The following CCDC88C variants were observed in gnomAD, a reference collection of about 807,000 sequenced individuals.
CCDC88C encodes protein Daple.
In CCDC88C, 131 loss-of-function variants were observed where a neutral mutation model predicts 198.8. The observed-to-expected ratio is 0.66, with a 90% CI of 0.57 to 0.76. The LOEUF (loss-of-function observed/expected upper bound fraction) is 0.76. Among genes scored for constraint, CCDC88C ranks in the 30% least tolerant of loss-of-function variants. The probability of loss-of-function intolerance (pLI) is 0.00; values close to 1 mark genes in which losing one functional copy is unlikely to be tolerated. For missense variants in CCDC88C, 2,553 were observed against 2,631.6 expected (o/e 0.97, Z 0.65); for synonymous variants, 1,166 against 1,114.7 (o/e 1.05, Z -0.92).
In CCDC88C at chr14:91,367,697, T is replaced by C. The variant is rs535002349; in HGVS notation, c.271-7986A>G. On this transcript the variant is annotated intron_variant, in intron 3 of 29. Coordinates refer to ENST00000389857, the MANE Select transcript of CCDC88C (RefSeq NM_001080414.4). The stretch of plus-strand genomic sequence containing the variant: ...AGGAGACAGCTTCTGAGCTGGGCTG[T>C]AGAGAATGCTTAGGAGTCTGACACG... Among the ~76,000 whole-genome samples the C allele has an allele frequency of 3.5e-4, 53 of 152,196 alleles. 2 individuals carry two copies. The South Asian group carries it at 9.1e-3, about 26-fold the overall frequency.
Position 91,273,720 on chromosome 14 carries a change from TGCGCGGGAC to T in CCDC88C, c.5059-76_5059-68del. ...TGGGTGGGTCCTTGGAGCCGCCTCC[TGCGCGGGAC>T]GCCCCCGAGCAGCCCACGTGGCTGG... On this transcript the variant is annotated intron_variant, in intron 29 of 29. Transcript: ENST00000389857. This position sits in a 1 kb window ranked among gnomAD's most constrained non-coding sequence, Gnocchi z 5.6. 1 of 1,347,438 alleles carries T rather than the reference TGCGCGGGAC, an allele frequency of 7.4e-7. No individual in the cohort carries two copies. The highest frequency in any genetic ancestry group is 9.7e-7 in the Non-Finnish European group (1 of 1,027,812). The allele number at this position is 1,347,438 out of a possible 1,614,324, so 83.5% of individuals were successfully genotyped here. A position where few individuals can be genotyped will look rare whatever the true frequency, so the allele number is the denominator to read the frequency against.
chr14:91,374,134 G>T (rs1198292935), intron 3 of CCDC88C, among the ~76,000 whole-genome samples: 1 of 152,212 alleles, frequency 6.6e-6, no homozygotes, highest in Non-Finnish European at 1.5e-5. Context: ...GGGGAGGAAG[G>T]CTCTGGTGAG....
chr14:91,405,157 C>T (rs1246569382), intron 3 of CCDC88C, among the ~76,000 whole-genome samples: 1 of 152,040 alleles, frequency 6.6e-6, no homozygotes, highest in Non-Finnish European at 1.5e-5. Flanking sequence ...CTTTGCCTCC[C>T]CAGGTTCTCA....
intron 22 of CCDC88C, 62 bp from the exon 23 acceptor site, chr14:91,294,380 C>T: frequency 1.9e-6 from 3 of 1,580,114 alleles, no homozygotes; most frequent in Non-Finnish European, 2.6e-6. Context: ...CTGCTGGGAA[C>T]CTAGCTCCCA....
At chr14:91,343,128 C>T (rs1893374470) in intron 5 of CCDC88C, among the ~76,000 whole-genome samples, 1 of 152,142 alleles carries the variant, frequency 6.6e-6, no homozygotes, top group Admixed American at 6.5e-5. Context: ...CTAATGTTTT[C>T]TATTTTTTGT....
At chr14:91,346,297 G>A (rs117483647) in intron 4 of CCDC88C, among the ~76,000 whole-genome samples, 24 of 152,348 alleles carry the variant, frequency 1.6e-4, no homozygotes, top group Non-Finnish European at 3.2e-4. Flanking sequence ...CCAGCCTGAA[G>A]GCAGGGCAGG....
rs1043078683 is a variant in CCDC88C, at chr14:91,381,197, G to A, written c.271-21486C>T. ...GAACTGAAAGGTGTGGGGCTTTCCC[G>A]GTACGGTCTGAGTCTCCTGTCCCCC... On this transcript the variant is annotated intron_variant, in intron 3 of 29. Coordinates refer to ENST00000389857, the MANE Select transcript of CCDC88C (RefSeq NM_001080414.4). This position sits in a 1 kb window ranked among gnomAD's most constrained non-coding sequence, Gnocchi z 4.2. Among the ~76,000 whole-genome samples, 2 of 152,196 alleles carry A rather than the reference G, an allele frequency of 1.3e-5. No homozygotes were observed. The highest frequency in any genetic ancestry group is 2.4e-5 in the African/African-American group (1 of 41,516).
chr14:91,325,017 G>T lies in CCDC88C; in HGVS notation c.1198-94C>A. 5 of 1,486,368 alleles carry T rather than the reference G, an allele frequency of 3.4e-6. No homozygotes were observed. In the Admixed American group the frequency reaches 7.0e-5, roughly 21 times the overall value. 92.1% of individuals were successfully genotyped at this position (1,486,368 alleles called of 1,614,324 possible). On this transcript the variant is annotated intron_variant, in intron 11 of 29. Transcript: ENST00000389857. The surrounding 1 kb of genome is among the most constrained non-coding windows in gnomAD (Gnocchi z 4.1). Reference sequence around the variant, plus strand: ...CCCTGTATAGCTACCGTCATGTGCTGTGGATGAAGATGTACTGGCTCACTT... The same window carrying T: ...CCCTGTATAGCTACCGTCATGTGCTTTGGATGAAGATGTACTGGCTCACTT...
chr14:91,301,804 T>C (rs1275573844), intron 20 of CCDC88C, among the ~76,000 whole-genome samples: 2 of 152,266 alleles, frequency 1.3e-5, no homozygotes, highest in African/African-American at 2.4e-5. Flanking sequence ...AAGTGCCTGG[T>C]GAGTGCTGGG....
intron 12 of CCDC88C, among the ~76,000 whole-genome samples, chr14:91,322,076 A>G (rs909347194): frequency 2.6e-5 from 4 of 151,870 alleles, no homozygotes; most frequent in African/African-American, 7.3e-5. Flanking sequence ...GGAAAAAAAA[A>G]GGTATGCAAA....
At chr14:91,286,476 A>G (rs1890413900) in intron 25 of CCDC88C, among the ~76,000 whole-genome samples, 1 of 152,118 alleles carries the variant, frequency 6.6e-6, no homozygotes, top group Non-Finnish European at 1.5e-5. Flanking sequence ...CTCCACTCCA[A>G]TCCTCCACTC....
At chr14:91,330,012 C>T (rs1423301796) in intron 10 of CCDC88C, among the ~76,000 whole-genome samples, 1 of 152,240 alleles carries the variant, frequency 6.6e-6, no homozygotes, top group African/African-American at 2.4e-5. Flanking sequence ...TGTTCCAACA[C>T]AACTGTGTTC....
rs141247261 is a variant in CCDC88C, at chr14:91,285,621, C to T, written c.4442-2104G>A. The T allele has an allele frequency of 1.1e-4, 140 of 1,245,950 alleles. 1 individual carries two copies. In the Admixed American group the frequency reaches 3.4e-3, roughly 30 times the overall value. 77.2% of individuals were successfully genotyped at this position (1,245,950 alleles called of 1,614,324 possible). Reference sequence around the variant, plus strand: ...TGGCTTTTTTTGTTTGTTTGAATTTCGGAAATGAAGGAGGGTACACAATAC... The same window carrying T: ...TGGCTTTTTTTGTTTGTTTGAATTTTGGAAATGAAGGAGGGTACACAATAC... On this transcript the variant is annotated intron_variant, in intron 25 of 29. Coordinates refer to ENST00000389857, the MANE Select transcript of CCDC88C (RefSeq NM_001080414.4).
intron 10 of CCDC88C, among the ~76,000 whole-genome samples, chr14:91,332,015 G>A (rs1280802925): frequency 1.3e-5 from 2 of 152,000 alleles, no homozygotes; most frequent in African/African-American, 4.8e-5. Flanking sequence ...GCCCAGCTAG[G>A]TCTCTGCCCC....
At chr14:91,350,998 T>A (rs1893759567) in intron 4 of CCDC88C, among the ~76,000 whole-genome samples, 1 of 152,018 alleles carries the variant, frequency 6.6e-6, no homozygotes, top group African/African-American at 2.4e-5. Context: ...CTAACTTATT[T>A]ATGTTTCCTT....
intron 13 of CCDC88C, 109 bp downstream of exon 13, chr14:91,321,011 A>G: frequency 2.9e-6 from 3 of 1,040,618 alleles, no homozygotes; most frequent in Non-Finnish European, 4.1e-6. Flanking sequence ...TGACACCTGC[A>G]TGCTCTACCT....
At chr14:91,297,808 C>T (rs190978056) in intron 21 of CCDC88C, among the ~76,000 whole-genome samples, 70 of 152,314 alleles carry the variant, frequency 4.6e-4, no homozygotes, top group African/African-American at 1.5e-3. Context: ...CACTTCCATG[C>T]TACAGCTTTG....
chr14:91,328,915 G>A (rs1268964831), intron 10 of CCDC88C, among the ~76,000 whole-genome samples: 1 of 152,230 alleles, frequency 6.6e-6, no homozygotes, highest in Non-Finnish European at 1.5e-5. Context: ...CACAGCACCA[G>A]AGGGGGTGCG....
chr14:91,319,797 G>A (rs777538327), intron 13 of CCDC88C, among the ~76,000 whole-genome samples: 4 of 152,044 alleles, frequency 2.6e-5, no homozygotes, highest in Non-Finnish European at 4.4e-5. Flanking sequence ...AGGCCGAGGC[G>A]GGTGGGCCAC....
Sources: allele counts gnomAD v4.1 joint callset (sites outside exome capture counted in the v4.1 genomes callset), GRCh38; gene constraint gnomAD v4.1.1; non-coding constraint Gnocchi (gnomAD v3.1); transcripts MANE v1.5; gene names NCBI Gene and HGNC (gene_info 2026-07-23, HGNC 2026-07-21).